The following RERE variants were observed in gnomAD, a reference collection of about 807,000 sequenced individuals.
RERE encodes the protein arginine-glutamic acid dipeptide repeats protein.
Under a neutral mutation model 146.1 loss-of-function variants are expected in RERE, and 40 were observed. That is an observed-to-expected ratio of 0.27 (90% confidence interval 0.21 to 0.36). RERE has a LOEUF of 0.36. RERE is among the 10% of genes least tolerant of loss of function. The probability of loss-of-function intolerance (pLI) is 1.00; values close to 1 mark genes in which losing one functional copy is unlikely to be tolerated. For synonymous variants in RERE, 1,003 were observed against 866.0 expected, an observed-to-expected ratio of 1.16 and a Z score of -2.78; for missense variants, 1,933 against 2,138.7, an observed-to-expected ratio of 0.90 and a Z score of 1.90.
intron 1 of RERE, among the ~76,000 whole-genome samples, chr1:8,706,981 C>T (rs1000226323): frequency 6.6e-6 from 1 of 152,190 alleles, no homozygotes; most frequent in African/African-American, 2.4e-5. Context: ...CCACATCCCT[C>T]CCAAATTAAT....
Position 8,497,393 on chromosome 1 carries a change from G to C in RERE, c.1004+12C>G. The C allele has an allele frequency of 6.2e-7, 1 of 1,614,006 alleles. No homozygotes were observed. The highest frequency in any genetic ancestry group is 8.5e-7 in the Non-Finnish European group (1 of 1,179,930). ...TAATTCAGAAAGCAGGATGGGGGTA[G>C]ATTCCTATTACCTTGCTGCCCTCAA... On this transcript the variant is annotated intron_variant, in intron 9 of 22. Coordinates refer to ENST00000400908, the MANE Select transcript of RERE (RefSeq NM_001042681.2).
At chr1:8,731,241 C>A (rs1640072977) in intron 1 of RERE, among the ~76,000 whole-genome samples, 1 of 152,138 alleles carries the variant, frequency 6.6e-6, no homozygotes, top group Non-Finnish European at 1.5e-5. Flanking sequence ...GCTTTTACCT[C>A]CAGGAGCCTG....
chr1:8,755,421 T>C (rs1640621955), intron 1 of RERE, among the ~76,000 whole-genome samples: 1 of 152,216 alleles, frequency 6.6e-6, no homozygotes, highest in Non-Finnish European at 1.5e-5. Flanking sequence ...TCCTGTATTT[T>C]AGAAAAGGAA....
chr1:8,418,051 G>A (rs187857100), intron 12 of RERE, among the ~76,000 whole-genome samples: 33 of 152,284 alleles, frequency 2.2e-4, no homozygotes, highest in African/African-American at 7.2e-4. Context: ...CCACCCACCA[G>A]GGCCCTCAGC....
At chr1:8,586,975 G>A (rs758228981) in intron 4 of RERE, among the ~76,000 whole-genome samples, 16 of 152,002 alleles carry the variant, frequency 1.1e-4, no homozygotes, top group Non-Finnish European at 1.8e-4. Context: ...AGAATAATTC[G>A]GAAATATAAA....
At chr1:8,420,507 A>G (rs1232577136) in intron 12 of RERE, among the ~76,000 whole-genome samples, 1 of 152,190 alleles carries the variant, frequency 6.6e-6, no homozygotes, top group East Asian at 1.9e-4. Flanking sequence ...GGCTATGTTG[A>G]TAACTAGAGA....
intron 1 of RERE, among the ~76,000 whole-genome samples, chr1:8,726,147 CTTT>C (rs70985511): frequency 2.1e-3 from 145 of 69,400 alleles, no homozygotes; most frequent in African/African-American, 9.3e-3. Context: ...TTTTTCTTTT[CTTT>C]TTTTTTTTTT....
intron 1 of RERE, among the ~76,000 whole-genome samples, chr1:8,763,892 G>C (rs1008646671): frequency 2.0e-5 from 3 of 148,146 alleles, no homozygotes; most frequent in South Asian, 2.1e-4. Flanking sequence ...AGTAAGCCGA[G>C]ATCACGCCAC....
intron 1 of RERE, among the ~76,000 whole-genome samples, chr1:8,727,187 G>A (rs1215981164): frequency 6.6e-6 from 1 of 152,148 alleles, no homozygotes; most frequent in Non-Finnish European, 1.5e-5. Flanking sequence ...CTGTAGCCCA[G>A]GCTGGAGTGC....
Position 8,507,348 on chromosome 1 carries a change from G to C in RERE, c.879+1279C>G, listed in dbSNP as rs568673748. On this transcript the variant is annotated intron_variant, in intron 8 of 22. Transcript: ENST00000400908. The stretch of plus-strand genomic sequence containing the variant: ...AATGAAATAAGAAAGAGCAACAGTC[G>C]TGACACAGCAACCCTCTGACTGAAA... 9.1e-4 allele frequency among the ~76,000 whole-genome samples: 138 copies of C among 152,312 alleles called. 1 individual carries two copies. The highest frequency in any genetic ancestry group is 1.7e-3 in the Non-Finnish European group (118 of 68,028).
intron 1 of RERE, among the ~76,000 whole-genome samples, chr1:8,661,032 C>A (rs754154660): frequency 3.9e-5 from 6 of 151,960 alleles, no homozygotes; most frequent in Admixed American, 1.3e-4. Flanking sequence ...AGACCACCAA[C>A]AAAAGGCACC....
At chr1:8,688,436 T>C (rs1028913401) in intron 1 of RERE, among the ~76,000 whole-genome samples, 3 of 152,010 alleles carry the variant, frequency 2.0e-5, no homozygotes, top group Non-Finnish European at 4.4e-5. Context: ...GCACCTGCTA[T>C]TGTAATCCTA....
chr1:8,712,668 A>C (rs1374012772), intron 1 of RERE, among the ~76,000 whole-genome samples: 1 of 152,192 alleles, frequency 6.6e-6, no homozygotes, highest in Non-Finnish European at 1.5e-5. Context: ...TGGTTCTATT[A>C]TCTTTTATTG....
chr1:8,497,275 T>A, intron 9 of RERE, 130 bp downstream of exon 9: 3 of 911,662 alleles, frequency 3.3e-6, no homozygotes, highest in Non-Finnish European at 4.9e-6. Context: ...TTACAGAGGG[T>A]GTAACCAAAC....
intron 8 of RERE, among the ~76,000 whole-genome samples, chr1:8,498,038 A>G (rs1286998359): frequency 6.6e-6 from 1 of 152,246 alleles, no homozygotes; most frequent in Non-Finnish European, 1.5e-5. Context: ...TCAATACCAA[A>G]ACTAGATGAG....
chr1:8,743,804 A>G (rs1414651420), intron 1 of RERE, among the ~76,000 whole-genome samples: 2 of 151,902 alleles, frequency 1.3e-5, no homozygotes, highest in Non-Finnish European at 2.9e-5. Flanking sequence ...GCCCACCATG[A>G]CCACTTACTC....
chr1:8,786,651 T>G, intron 1 of RERE: 1 of 774,020 alleles, frequency 1.3e-6, no homozygotes, highest in South Asian at 1.3e-5. Context: ...CATTGGCACC[T>G]CTGGTCCTGA....
At chr1:8,474,632 A>C (rs1644730193) in intron 10 of RERE, among the ~76,000 whole-genome samples, 1 of 152,216 alleles carries the variant, frequency 6.6e-6, no homozygotes, top group Non-Finnish European at 1.5e-5. Context: ...CTGTTCTATA[A>C]TGAACCCATG....
chr1:8,497,683 C>T (rs950482975), intron 8 of RERE, among the ~76,000 whole-genome samples, 154 bp from the exon 9 acceptor site: 1 of 152,350 alleles, frequency 6.6e-6, no homozygotes, highest in African/African-American at 2.4e-5. Flanking sequence ...GTCATTTAAA[C>T]TGACCTATTT....
Sources: gnomAD v4.1 joint callset for allele counts (sites outside exome capture counted in the v4.1 genomes callset) on GRCh38, gnomAD v4.1.1 for gene constraint, MANE v1.5 for transcripts, NCBI Gene and HGNC (gene_info 2026-07-23, HGNC 2026-07-21) for gene names.